DPP6: variants seen among roughly 807,000 people sequenced by gnomAD.
The protein encoded by DPP6 is dipeptidyl peptidase like 6.
DPP6 carries 69 observed loss-of-function variants against 122.6 expected under a neutral mutation model. The ratio of observed to expected loss-of-function variants is 0.56; its 90% confidence interval spans 0.46 to 0.69. DPP6 has a LOEUF of 0.69. Among genes scored for constraint, DPP6 ranks in the 30% least tolerant of loss-of-function variants. The pLI is 0.00. For missense variants in DPP6, 928 were observed against 1,116.9 expected (o/e 0.83, Z 2.41); for synonymous variants, 418 against 433.1 (o/e 0.97, Z 0.43).
At chr7:154,386,613 G>A (rs1421182031) in intron 1 of DPP6, among the ~76,000 whole-genome samples, 1 of 152,120 alleles carries the variant, frequency 6.6e-6, no homozygotes, top group Non-Finnish European at 1.5e-5. Context: ...CAGTCCACCA[G>A]GAGGATCCAA....
At chr7:154,206,170 G>A (rs1799434031) in intron 1 of DPP6, among the ~76,000 whole-genome samples, 1 of 152,188 alleles carries the variant, frequency 6.6e-6, no homozygotes, top group Non-Finnish European at 1.5e-5. Context: ...CACACAGCTG[G>A]CCCTTCCCTC....
the DPP6 span, among the ~76,000 whole-genome samples, chr7:153,798,266 A>G: frequency 3.3e-5 from 5 of 152,334 alleles, no homozygotes; most frequent in South Asian, 2.1e-4. Context: ...GATTCAATAT[A>G]CAAATTTTAG....
intron 6 of DPP6, among the ~76,000 whole-genome samples, chr7:154,661,865 T>C (rs559594468): frequency 6.6e-5 from 10 of 150,570 alleles, no homozygotes; most frequent in South Asian, 2.1e-4. Flanking sequence ...ATAGTGTTCA[T>C]ATAGTCATGG....
chr7:154,300,590 C>T (rs1295353196), intron 1 of DPP6, among the ~76,000 whole-genome samples: 6 of 152,118 alleles, frequency 3.9e-5, no homozygotes, highest in Admixed American at 1.3e-4. Flanking sequence ...CTGGATCTCC[C>T]GCCCAAGCAC....
intron 1 of DPP6, among the ~76,000 whole-genome samples, chr7:153,964,822 C>CTTTTCCTTTTCCTTTTCCT (rs371512058): frequency 1.2e-4 from 5 of 41,216 alleles, no homozygotes; most frequent in African/African-American, 4.7e-4. Context: ...CTTTCCTTTC[C>CTTTTCCTTTTCCTTTTCCT]TTTCCTTTTC....
the DPP6 span, among the ~76,000 whole-genome samples, chr7:153,826,290 A>G: frequency 6.6e-6 from 1 of 152,218 alleles, no homozygotes; most frequent in African/African-American, 2.4e-5. Context: ...AGGTTGGGGA[A>G]TAACAAGACA....
chr7:154,771,552 G>T (rs938357543), intron 9 of DPP6, among the ~76,000 whole-genome samples: 38 of 152,308 alleles, frequency 2.5e-4, no homozygotes, highest in African/African-American at 9.1e-4. Flanking sequence ...CACACTGGGG[G>T]TTAGGGCTGC....
At chr7:154,017,432 G>A (rs937289122) in intron 1 of DPP6, among the ~76,000 whole-genome samples, 1 of 152,044 alleles carries the variant, frequency 6.6e-6, no homozygotes, top group African/African-American at 2.4e-5. Flanking sequence ...GGGCATGGTG[G>A]CTCACACTTA....
At chr7:154,002,933 G>T (rs1797750087) in intron 1 of DPP6, among the ~76,000 whole-genome samples, 1 of 152,122 alleles carries the variant, frequency 6.6e-6, no homozygotes, top group South Asian at 2.1e-4. Flanking sequence ...GTCTGTCACT[G>T]TCTCCTTTCC....
At chr7:153,797,991 G>A in the DPP6 span, among the ~76,000 whole-genome samples, 7 of 152,128 alleles carry the variant, frequency 4.6e-5, no homozygotes, top group African/African-American at 1.4e-4. Context: ...ACAGGTGCCC[G>A]TCACCATGCC....
intron 4 of DPP6, among the ~76,000 whole-genome samples, chr7:154,548,525 C>CA (rs200806772): frequency 0.028 from 2,127 of 75,968 alleles, 55 homozygotes; most frequent in African/African-American, 0.079. Context: ...GACTCCATCT[C>CA]AAAAAAAAAA....
chr7:154,641,772 G>A (rs938967608), intron 6 of DPP6, among the ~76,000 whole-genome samples: 1 of 152,038 alleles, frequency 6.6e-6, no homozygotes, highest in African/African-American at 2.4e-5. Flanking sequence ...AAGAAAAATT[G>A]GTCCTATCAC....
intron 1 of DPP6, among the ~76,000 whole-genome samples, chr7:154,225,826 C>T (rs1281471174): frequency 6.6e-6 from 1 of 152,110 alleles, no homozygotes; most frequent in South Asian, 2.1e-4. Flanking sequence ...TCATTAGAAT[C>T]CCCCATCTAC....
At chr7:154,175,474 C>T (rs1797752380) in intron 1 of DPP6, among the ~76,000 whole-genome samples, 1 of 152,106 alleles carries the variant, frequency 6.6e-6, no homozygotes, top group Non-Finnish European at 1.5e-5. Flanking sequence ...CACCCCACCC[C>T]CAGAGCCTCC....
chr7:154,503,869 G>C (rs1353745143), intron 3 of DPP6, among the ~76,000 whole-genome samples: 1 of 152,162 alleles, frequency 6.6e-6, no homozygotes, highest in East Asian at 1.9e-4. Context: ...TCTGGGTAAT[G>C]GGTTGATCTG....
At chr7:153,999,136 T>A (rs545208351) in intron 1 of DPP6, among the ~76,000 whole-genome samples, 1 of 152,130 alleles carries the variant, frequency 6.6e-6, no homozygotes, top group African/African-American at 2.4e-5. Flanking sequence ...ACCACTTGAG[T>A]TGAGTTTGTC....
At chr7:154,531,352 AAG>A (rs1236930642) in intron 3 of DPP6, among the ~76,000 whole-genome samples, 1 of 152,220 alleles carries the variant, frequency 6.6e-6, no homozygotes, top group Non-Finnish European at 1.5e-5. Flanking sequence ...TGGTGACCAG[AAG>A]AGAGTGGAAC....
At chr7:154,257,524 A>C (rs1802734409) in intron 1 of DPP6, among the ~76,000 whole-genome samples, 1 of 151,976 alleles carries the variant, frequency 6.6e-6, no homozygotes, top group Admixed American at 6.6e-5. Flanking sequence ...GCAAAACTCC[A>C]TCTCTACTAA....
intron 12 of DPP6, among the ~76,000 whole-genome samples, chr7:154,799,026 C>A (rs1587176485): frequency 6.6e-6 from 1 of 152,126 alleles, no homozygotes; most frequent in African/African-American, 2.4e-5. Context: ...CTCTACCCAT[C>A]CATCTCCAAT....
Sources: allele counts gnomAD v4.1 joint callset (sites outside exome capture counted in the v4.1 genomes callset), GRCh38; gene constraint gnomAD v4.1.1; transcripts MANE v1.5; gene names NCBI Gene and HGNC (gene_info 2026-07-23, HGNC 2026-07-21).